ZNF727: variants seen among roughly 807,000 people sequenced by gnomAD.
ZNF727 encodes zinc finger protein 727.
A neutral mutation model predicts 11.5 loss-of-function variants in ZNF727; 11 were observed. The observed-to-expected ratio is 0.95, with a 90% CI of 0.60 to 1.58. The LOEUF (loss-of-function observed/expected upper bound fraction) is 1.58, where lower values mean the gene tolerates loss of function less well. Among genes scored for constraint, ZNF727 ranks in the 40% most tolerant of loss-of-function variants. The probability of loss-of-function intolerance (pLI) is 0.00; values close to 1 mark genes in which losing one functional copy is unlikely to be tolerated. For missense variants in ZNF727, 533 were observed against 581.7 expected, an observed-to-expected ratio of 0.92 and a Z score of 0.86; for synonymous variants, 171 against 196.1, an observed-to-expected ratio of 0.87 and a Z score of 1.07.
chr7:64,049,170 C>T (rs1243721339), intron 1 of ZNF727, among the ~76,000 whole-genome samples: 5 of 151,788 alleles, frequency 3.3e-5, no homozygotes, highest in Non-Finnish European at 4.4e-5. Context: ...TTTAAGAAAA[C>T]CTTATAAACA....
intron 1 of ZNF727, among the ~76,000 whole-genome samples, chr7:64,060,869 C>T (rs1898827): frequency 0.64 from 96,543 of 151,366 alleles, 31,511 homozygotes; most frequent in Non-Finnish European, 0.71. Context: ...TTATTCATAG[C>T]TATGTTTTTC....
At chr7:64,076,387 G>A (rs1229170401) in intron 3 of ZNF727, among the ~76,000 whole-genome samples, 2 of 152,106 alleles carry the variant, frequency 1.3e-5, no homozygotes, top group Admixed American at 1.3e-4. Flanking sequence ...CAGGCGGGCG[G>A]ATCACCCAAG....
intron 1 of ZNF727, among the ~76,000 whole-genome samples, chr7:64,067,283 A>G (rs1789883949): frequency 2.6e-5 from 4 of 152,118 alleles, no homozygotes; most frequent in Admixed American, 2.6e-4. Flanking sequence ...ACACTTTTAC[A>G]CTGTTCTTGG....
At chr7:64,056,998 G>T (rs943342175) in intron 1 of ZNF727, among the ~76,000 whole-genome samples, 1 of 151,972 alleles carries the variant, frequency 6.6e-6, no homozygotes, top group African/African-American at 2.4e-5. Context: ...CTCAAAACAT[G>T]TAAATTCTGT....
At chr7:64,050,685 G>C (rs1353604669) in intron 1 of ZNF727, among the ~76,000 whole-genome samples, 1 of 152,126 alleles carries the variant, frequency 6.6e-6, no homozygotes, top group Non-Finnish European at 1.5e-5. Flanking sequence ...TTTAGGGAGA[G>C]AGAAATTCAG....
In ZNF727 at chr7:64,080,865, GT is replaced by G. The variant is rs1181377999; in HGVS notation, c.*2322del. Among the ~76,000 whole-genome samples, 1 of 147,034 alleles carries G rather than the reference GT, an allele frequency of 6.8e-6. No individual in the cohort carries two copies. Among genetic ancestry groups the G allele is most frequent in the Non-Finnish European group, 1.5e-5 (1 of 67,318 alleles). ...CAGCCAACAGGCTTTGTTCCTGGGA[GT>G]TTTTTGTTTTTTGTTTTTTGTTTTT... is the stretch of plus-strand genomic sequence containing the variant. On this transcript the variant is annotated 3_prime_UTR_variant, in exon 4 of 4. Coordinates refer to ENST00000456806, the MANE Select transcript of ZNF727 (RefSeq NM_001159522.3).
Position 64,056,324 on chromosome 7 carries a change from A to C in ZNF727, c.3+10700A>C, listed in dbSNP as rs1281330272. On this transcript the variant is annotated intron_variant, in intron 1 of 3. Transcript: ENST00000456806. ...CCAGGCACTATTCTAAGAAGTGCTAAGATAGTAACTCGTGACATCAAAATA... is the reference window on the plus strand; with the variant it reads ...CCAGGCACTATTCTAAGAAGTGCTACGATAGTAACTCGTGACATCAAAATA... Among the ~76,000 whole-genome samples, 4 of 152,318 alleles carry C rather than the reference A, an allele frequency of 2.6e-5. No homozygotes were observed. The East Asian group carries it at 5.8e-4, about 22-fold the overall frequency.
chr7:64,073,896 T>G (rs905537618), intron 3 of ZNF727, among the ~76,000 whole-genome samples: 11 of 152,188 alleles, frequency 7.2e-5, no homozygotes, highest in African/African-American at 2.7e-4. Context: ...CAAACTATAA[T>G]TCTCATTACT....
intron 1 of ZNF727, among the ~76,000 whole-genome samples, chr7:64,052,419 A>C (rs945753835): frequency 1.4e-5 from 2 of 146,782 alleles, no homozygotes; most frequent in African/African-American, 5.1e-5. Context: ...CATCCACATA[A>C]GATATGACTT....
At chr7:64,060,320 C>G (rs934627597) in intron 1 of ZNF727, among the ~76,000 whole-genome samples, 2 of 152,100 alleles carry the variant, frequency 1.3e-5, no homozygotes, top group African/African-American at 4.8e-5. Flanking sequence ...ATTATGCTTT[C>G]CAAACACTGT....
intron 1 of ZNF727, among the ~76,000 whole-genome samples, chr7:64,049,035 G>A (rs942564582): frequency 2.0e-4 from 31 of 152,114 alleles, no homozygotes; most frequent in African/African-American, 7.2e-4. Flanking sequence ...ACAGGTATTG[G>A]CCAAGAAAAT....
chr7:64,083,857 G>T lies in ZNF727; in HGVS notation c.*5308G>T, dbSNP rs1321613025. On this transcript the variant is annotated 3_prime_UTR_variant, in exon 4 of 4. Coordinates refer to ENST00000456806, the MANE Select transcript of ZNF727 (RefSeq NM_001159522.3). ...GTACCTGGATGTTTCAGTTGAAGGT[G>T]CTGTATCTATGCACACCTTGCATTC... 6.6e-6 allele frequency among the ~76,000 whole-genome samples: 1 copy of T among 152,160 alleles called. No homozygotes were observed.
intron 3 of ZNF727, among the ~76,000 whole-genome samples, chr7:64,070,214 A>G (rs959175019): frequency 1.3e-5 from 2 of 152,040 alleles, no homozygotes; most frequent in African/African-American, 4.8e-5. Context: ...TATTACTTCA[A>G]ATGTTATTCT....
intron 1 of ZNF727, among the ~76,000 whole-genome samples, chr7:64,068,437 C>A (rs1315152704): frequency 6.6e-6 from 1 of 152,072 alleles, no homozygotes; most frequent in Non-Finnish European, 1.5e-5. Context: ...ATACCACTGG[C>A]AAACTTCTTA....
Position 64,078,291 on chromosome 7 carries a change from C to T in ZNF727, c.1242C>T (p.His414=). ...CCTGCTCCTCAAACCTTATTAAACA[C>T]AAGAGAATTCATATGGAAGTGAGAC... ...SFTCSSNLIK[H]KRIHMEVRPY... The change falls in exon 4 of 4, where the codon CAC becomes CAT. Residue 414 remains histidine (H), a synonymous_variant. Coordinates refer to ENST00000456806, the MANE Select transcript of ZNF727 (RefSeq NM_001159522.3). The T allele has an allele frequency of 1.3e-5, 20 of 1,587,526 alleles. No individual in the cohort carries two copies. The highest frequency in any genetic ancestry group is 1.6e-5 in the Non-Finnish European group (19 of 1,166,640).
Position 64,068,166 on chromosome 7 carries a change from G to C in ZNF727, c.4-725G>C, listed in dbSNP as rs547190348. 2.6e-5 allele frequency among the ~76,000 whole-genome samples: 4 copies of C among 151,074 alleles called. 1 individual carries two copies. In the South Asian group the frequency reaches 6.2e-4, roughly 24 times the overall value. Reference sequence around the variant, plus strand: ...TACTTGGTAAAAATGCTCTCTGACAGATATTTTTTCACTCGAGTTAATTAT... The same window carrying C: ...TACTTGGTAAAAATGCTCTCTGACACATATTTTTTCACTCGAGTTAATTAT... On this transcript the variant is annotated intron_variant, in intron 1 of 3. Coordinates refer to ENST00000456806, the MANE Select transcript of ZNF727 (RefSeq NM_001159522.3).
intron 1 of ZNF727, among the ~76,000 whole-genome samples, chr7:64,063,340 A>C (rs1382256551): frequency 6.6e-6 from 1 of 152,152 alleles, no homozygotes; most frequent in Non-Finnish European, 1.5e-5. Context: ...ATTAGGGGAC[A>C]CCCCAACCTG....
intron 1 of ZNF727, among the ~76,000 whole-genome samples, chr7:64,063,865 T>C (rs1455041333): frequency 6.6e-6 from 1 of 152,018 alleles, no homozygotes; most frequent in East Asian, 1.9e-4. Context: ...TACTCTTTTC[T>C]CTCCTTTCTC....
Position 64,083,227 on chromosome 7 carries a change from C to G in ZNF727, c.*4678C>G, listed in dbSNP as rs745800492. Among the ~76,000 whole-genome samples the G allele has an allele frequency of 6.6e-6, 1 of 152,138 alleles. No homozygotes were observed. Among genetic ancestry groups the G allele is most frequent in the Non-Finnish European group, 1.5e-5 (1 of 68,030 alleles). Reference sequence around the variant, plus strand: ...TACTGTGCTAGGAGATCCTTTCTGTCCCCGATCAGCTTGGGCTCTTCAACA... The same window carrying G: ...TACTGTGCTAGGAGATCCTTTCTGTGCCCGATCAGCTTGGGCTCTTCAACA... On this transcript the variant is annotated 3_prime_UTR_variant, in exon 4 of 4. Transcript: ENST00000456806.
Sources: allele counts gnomAD v4.1 joint callset (sites outside exome capture counted in the v4.1 genomes callset), GRCh38; gene constraint gnomAD v4.1.1; transcripts MANE v1.5; gene names NCBI Gene and HGNC (gene_info 2026-07-23, HGNC 2026-07-21).